The following COG2 variants were observed in gnomAD, a reference collection of about 807,000 sequenced individuals.
COG2 encodes conserved oligomeric Golgi complex subunit 2.
In COG2, 52 loss-of-function variants were observed where a neutral mutation model predicts 90.6. That is an observed-to-expected ratio of 0.57 (90% CI 0.46 to 0.72). The LOEUF is 0.72. Among genes scored for constraint, COG2 ranks in the 30% least tolerant of loss-of-function variants. The pLI, the probability that COG2 is intolerant of heterozygous loss-of-function variation, is 0.00. For synonymous variants in COG2, 337 were observed against 320.4 expected, an observed-to-expected ratio of 1.05 and a Z score of -0.55; for missense variants, 829 against 891.2, an observed-to-expected ratio of 0.93 and a Z score of 0.89.
chr1:230,644,823 A>G (rs972867950), intron 1 of COG2, among the ~76,000 whole-genome samples: 6 of 152,180 alleles, frequency 3.9e-5, no homozygotes, highest in Non-Finnish European at 8.8e-5. Flanking sequence ...TGACATGATC[A>G]TGTATGTTGC....
intron 9 of COG2, among the ~76,000 whole-genome samples, chr1:230,677,132 AC>A (rs1389023780): frequency 9.2e-5 from 14 of 152,038 alleles, no homozygotes; most frequent in Non-Finnish European, 2.1e-4. Flanking sequence ...TCTTGTTTAG[AC>A]AGGCTCACCC....
At chr1:230,653,169 C>T (rs1283860883) in intron 1 of COG2, among the ~76,000 whole-genome samples, 5 of 151,972 alleles carry the variant, frequency 3.3e-5, no homozygotes, top group African/African-American at 1.2e-4. Context: ...TTCTCCAGCA[C>T]CTAGTCCTCT....
chr1:230,685,856 C>G (rs926940366), intron 12 of COG2, among the ~76,000 whole-genome samples: 4 of 152,170 alleles, frequency 2.6e-5, no homozygotes, highest in Non-Finnish European at 5.9e-5. Flanking sequence ...TGCCCTTTCT[C>G]TGGGGACAGC....
intron 1 of COG2, among the ~76,000 whole-genome samples, chr1:230,651,927 T>TC (rs950757779): frequency 1.3e-5 from 2 of 152,178 alleles, no homozygotes; most frequent in African/African-American, 4.8e-5. Context: ...ATCTATCCCC[T>TC]CCTGCCTCCC....
At chr1:230,680,420 C>T (rs1030053168) in intron 10 of COG2, 1 of 102,578 alleles carries the variant, frequency 9.7e-6, no homozygotes, top group Admixed American at 8.9e-5. Context: ...TCCATCCCAC[C>T]CCTGCACCTC....
intron 14 of COG2, 77 bp downstream of exon 14, chr1:230,688,220 A>G: frequency 8.1e-7 from 1 of 1,237,548 alleles, no homozygotes; most frequent in South Asian, 1.4e-5. Flanking sequence ...TGTAGGGTAT[A>G]TTTAACATTT....
Position 230,669,396 on chromosome 1 carries a change from A to T in COG2, c.635A>T (p.Glu212Val). 6.2e-7 allele frequency: 1 copy of T among 1,613,980 alleles called. No individual in the cohort carries two copies. The highest frequency in any genetic ancestry group is 8.5e-7 in the Non-Finnish European group (1 of 1,179,856). Residue 212 changes from glutamate (E) to valine (V), a missense_variant, in exon 7 of 18, where the codon GAA becomes GTA. Glu to Val is a moderately radical substitution (Grantham distance 121). Transcript: ENST00000366669. Reference sequence around the variant, plus strand: ...ACAGCCATGTTACAGCAGTCACTGGAAGGTCTCCTATTAGAAGGCCTTCAG... The same window carrying T: ...ACAGCCATGTTACAGCAGTCACTGGTAGGTCTCCTATTAGAAGGCCTTCAG... ...GITAMLQQSLEGLLLEGLQTS... is the reference protein window; with the variant it reads ...GITAMLQQSLVGLLLEGLQTS...
intron 1 of COG2, 118 bp from the exon 2 acceptor site, chr1:230,659,346 A>G: frequency 1.2e-6 from 1 of 813,798 alleles, no homozygotes; most frequent in Non-Finnish European, 2.0e-6. Flanking sequence ...TTCTTCCTGC[A>G]GCAGCATGGC....
At chr1:230,643,270 A>G (rs1478712075) in intron 1 of COG2, among the ~76,000 whole-genome samples, 1 of 152,246 alleles carries the variant, frequency 6.6e-6, no homozygotes, top group Non-Finnish European at 1.5e-5. Context: ...TGGTAGTTGT[A>G]GGTCATAAAC....
chr1:230,664,675 A>G (rs1418328593), intron 5 of COG2, 88 bp downstream of exon 5: 4 of 614,532 alleles, frequency 6.5e-6, no homozygotes, highest in Non-Finnish European at 1.1e-5. Context: ...TCTGATAAAG[A>G]AGAAAATCCC....
Position 230,664,547 on chromosome 1 carries a change from T to C in COG2, c.445T>C (p.Ser149Pro). ...TGAGAAAATTGAAAAAATCTTAAACTCTCAAAGTTCTAAAGAAACCTCTGC... is the reference window on the plus strand; with the variant it reads ...TGAGAAAATTGAAAAAATCTTAAACCCTCAAAGTTCTAAAGAAACCTCTGC... ...SVEKIEKILN[S>P]QSSKETSALE... is the part of the protein sequence containing the mutation. The change falls in exon 5 of 18, where the codon TCT (serine) becomes CCT (proline). Residue 149 changes from serine (S) to proline (P), a missense_variant. Coordinates refer to ENST00000366669, the MANE Select transcript of COG2 (RefSeq NM_007357.3). 6.3e-7 allele frequency: 1 copy of C among 1,583,470 alleles called. No individual in the cohort carries two copies. The highest frequency in any genetic ancestry group is 8.6e-7 in the Non-Finnish European group (1 of 1,161,910).
At chr1:230,678,139 C>G (rs1662643328) in intron 9 of COG2, 1 of 985,266 alleles carries the variant, frequency 1.0e-6, no homozygotes, top group Non-Finnish European at 1.2e-6. Context: ...CAACAGTGTT[C>G]TTAGAGCCTG....
intron 1 of COG2, among the ~76,000 whole-genome samples, chr1:230,657,695 G>A (rs895276186): frequency 5.9e-5 from 9 of 152,046 alleles, no homozygotes; most frequent in African/African-American, 1.9e-4. Context: ...CGTCACTTTC[G>A]GGTACACCAG....
chr1:230,691,352 CT>C (rs1185774561), intron 16 of COG2, 31 bp from the exon 17 acceptor site: 1 of 1,560,464 alleles, frequency 6.4e-7, no homozygotes, highest in Non-Finnish European at 8.7e-7. Context: ...ACAAATGCCT[CT>C]TTTCACCAAT....
At chr1:230,664,221 GATATA>G (rs1337101747) in intron 4 of COG2, among the ~76,000 whole-genome samples, 1 of 149,384 alleles carries the variant, frequency 6.7e-6, no homozygotes, top group Non-Finnish European at 1.5e-5. Context: ...AAGGAATAAG[GATATA>G]ATATAAGAAA....
chr1:230,653,156 C>T (rs1472752726), intron 1 of COG2, among the ~76,000 whole-genome samples: 2 of 152,084 alleles, frequency 1.3e-5, no homozygotes, highest in African/African-American at 2.4e-5. Flanking sequence ...ACGCCAATCC[C>T]CATTCTCCAG....
intron 1 of COG2, among the ~76,000 whole-genome samples, chr1:230,652,139 T>G (rs960489822): frequency 3.3e-5 from 5 of 152,236 alleles, no homozygotes; most frequent in African/African-American, 1.2e-4. Flanking sequence ...ACAGTTTCAC[T>G]GCTTTACAAA....
chr1:230,674,737 ATT>A (rs778230324), intron 8 of COG2, among the ~76,000 whole-genome samples: 2 of 152,154 alleles, frequency 1.3e-5, no homozygotes, highest in African/African-American at 2.4e-5. Context: ...TACCAAGGTG[ATT>A]TTATGTGGCT....
chr1:230,672,790 G>A (rs979511272), intron 8 of COG2, among the ~76,000 whole-genome samples: 4 of 151,992 alleles, frequency 2.6e-5, no homozygotes, highest in Admixed American at 6.6e-5. Context: ...TCACCTCTCC[G>A]CTGCTCACAC....
Sources: allele counts gnomAD v4.1 joint callset (sites outside exome capture counted in the v4.1 genomes callset), GRCh38; gene constraint gnomAD v4.1.1; transcripts MANE v1.5; gene names NCBI Gene and HGNC (gene_info 2026-07-23, HGNC 2026-07-21).